The following GPR89B variants were observed in gnomAD, a reference collection of about 807,000 sequenced individuals.
GPR89B encodes G protein-coupled receptor 89B.
GPR89B carries 25 observed loss-of-function variants against 52.4 expected under a neutral mutation model. The ratio of observed to expected loss-of-function variants is 0.48; its 90% CI spans 0.35 to 0.67. The LOEUF is 0.67. Among genes scored for constraint, GPR89B ranks in the 30% least tolerant of loss-of-function variants. The pLI is 0.01. For missense variants in GPR89B, 146 were observed against 450.2 expected, an observed-to-expected ratio of 0.32 and a Z score of 6.11; for synonymous variants, 52 against 151.2, an observed-to-expected ratio of 0.34 and a Z score of 4.81.
At chr1:147,950,736 G>C (rs1253355662) in intron 5 of GPR89B, among the ~76,000 whole-genome samples, 1 of 149,884 alleles carries the variant, frequency 6.7e-6, no homozygotes, top group African/African-American at 2.5e-5. Context: ...CTGGAGACCA[G>C]CCCGGCCAAC....
the GPR89B span, among the ~76,000 whole-genome samples, chr1:148,019,390 G>A: frequency 6.6e-6 from 1 of 151,492 alleles, no homozygotes; most frequent in Non-Finnish European, 1.5e-5. Flanking sequence ...ATGGGGTTAG[G>A]GGGCAAGGAC....
chr1:147,988,606 T>C (rs1658838052), intron 12 of GPR89B, 85 bp downstream of exon 12: 5 of 671,240 alleles, frequency 7.4e-6, no homozygotes, highest in East Asian at 5.7e-5. Flanking sequence ...GGCTCACGCC[T>C]GTAATCCCAA....
chr1:148,018,760 A>G, the GPR89B span, among the ~76,000 whole-genome samples: 1 of 151,688 alleles, frequency 6.6e-6, no homozygotes, highest in Non-Finnish European at 1.5e-5. Context: ...TCCGCCTCCC[A>G]GGTTCAAGCA....
At chr1:147,929,269 T>C (rs1446156188) in intron 1 of GPR89B, among the ~76,000 whole-genome samples, 1 of 150,744 alleles carries the variant, frequency 6.6e-6, no homozygotes, top group Non-Finnish European at 1.5e-5. Context: ...CGTAAAAACA[T>C]GTAAGACACT....
chr1:147,935,598 T>C lies in GPR89B; in HGVS notation c.43-1029T>C, dbSNP rs145601592. Among the ~76,000 whole-genome samples the C allele has an allele frequency of 1.5e-4, 23 of 152,292 alleles. No homozygotes were observed. In the East Asian group the frequency reaches 4.4e-3, roughly 29 times the overall value. ...TACACTGAGATGAAAACCACTTTTA[T>C]GTAGATTAGGCAGGATGGTGGAGAA... On this transcript the variant is annotated intron_variant, in intron 1 of 13. Transcript: ENST00000314163.
Position 147,989,580 on chromosome 1 carries a change from C to G in GPR89B, c.1095+1059C>G, listed in dbSNP as rs1202375818. On this transcript the variant is annotated intron_variant, in intron 12 of 13. Transcript: ENST00000314163. Reference sequence around the variant, plus strand: ...ATATCTCCTAATGCTGTCCCTCCCCCCTTCCCCCACCCCACGACAAGCCTC... The same window carrying G: ...ATATCTCCTAATGCTGTCCCTCCCCGCTTCCCCCACCCCACGACAAGCCTC... Among the ~76,000 whole-genome samples, 23 of 152,194 alleles carry G rather than the reference C, an allele frequency of 1.5e-4. No individual in the cohort carries two copies. In the East Asian group the frequency reaches 1.5e-3, roughly 10 times the overall value.
the GPR89B span, among the ~76,000 whole-genome samples, chr1:148,025,571 A>G: frequency 2.1e-5 from 3 of 143,386 alleles, no homozygotes; most frequent in East Asian, 4.1e-4. Flanking sequence ...GCTCGTCCCT[A>G]TTGCTTGGTG....
intron 7 of GPR89B, among the ~76,000 whole-genome samples, chr1:147,958,082 GAA>G (rs1232876255): frequency 1.3e-5 from 2 of 151,612 alleles, no homozygotes; most frequent in African/African-American, 4.9e-5. Context: ...AAAAAAAAAA[GAA>G]TGATAAAGAA....
rs180920422 is a variant in GPR89B at position 147,930,789 on chromosome 1, C to G, written c.42+2211C>G. 5.2e-3 allele frequency among the ~76,000 whole-genome samples: 798 copies of G among 152,240 alleles called. 11 individuals carry two copies. The highest frequency in any genetic ancestry group is 0.019 in the African/African-American group (775 of 41,544). On this transcript the variant is annotated intron_variant, in intron 1 of 13. Transcript: ENST00000314163. ...GGGACCCTGGCTCTTCTCTCTTCAG[C>G]TGTGGCTCCAATTTATTCTTTAGAC...
the GPR89B span, among the ~76,000 whole-genome samples, chr1:147,999,214 A>G: frequency 6.6e-6 from 1 of 151,680 alleles, no homozygotes; most frequent in South Asian, 2.1e-4. Context: ...CACCAACTGC[A>G]AAATGACTCA....
the GPR89B span, among the ~76,000 whole-genome samples, chr1:148,016,644 C>G: frequency 6.6e-6 from 1 of 151,918 alleles, no homozygotes; most frequent in African/African-American, 2.4e-5. Flanking sequence ...GGAACAGTGG[C>G]TCACACCTTC....
chr1:147,943,914 T>A, intron 4 of GPR89B, 83 bp from the exon 5 acceptor site: 4 of 755,462 alleles, frequency 5.3e-6, no homozygotes, highest in Non-Finnish European at 8.6e-6. Flanking sequence ...AAATATTAGT[T>A]AGCATTATCT....
intron 5 of GPR89B, among the ~76,000 whole-genome samples, chr1:147,952,929 T>C (rs1655833173): frequency 6.7e-6 from 1 of 149,132 alleles, no homozygotes; most frequent in African/African-American, 2.5e-5. Context: ...GAAATACATA[T>C]ATATCAAAGA....
downstream of GPR89B, among the ~76,000 whole-genome samples, chr1:147,996,074 T>C (rs1659309970): frequency 1.3e-5 from 2 of 152,252 alleles, no homozygotes; most frequent in African/African-American, 4.8e-5. Flanking sequence ...ACTTCCATAT[T>C]CACATGATTA....
chr1:147,941,385 T>G (rs1553248885), intron 3 of GPR89B, among the ~76,000 whole-genome samples: 1 of 152,224 alleles, frequency 6.6e-6, no homozygotes, highest in Non-Finnish European at 1.5e-5. Context: ...GATGTCCAGC[T>G]TGTTTCTTTC....
chr1:148,024,895 C>G, the GPR89B span, among the ~76,000 whole-genome samples: 32 of 152,136 alleles, frequency 2.1e-4, no homozygotes, highest in Non-Finnish European at 2.9e-4. Flanking sequence ...ATGCTATTTT[C>G]TCACCTCTGT....
At chr1:148,014,870 G>T in the GPR89B span, 1 of 151,186 alleles carries the variant, frequency 6.6e-6, no homozygotes, top group South Asian at 2.1e-4. Flanking sequence ...AGGACGGGGG[G>T]AAGGCCATTC....
chr1:147,982,004 T>C (rs1658290290), intron 10 of GPR89B, among the ~76,000 whole-genome samples: 1 of 151,836 alleles, frequency 6.6e-6, no homozygotes, highest in Non-Finnish European at 1.5e-5. Flanking sequence ...TATGTGTATA[T>C]CTAGGGGTAG....
chr1:147,931,014 TTCCCCTGTAACA>T (rs2149030623), intron 1 of GPR89B, among the ~76,000 whole-genome samples: 1 of 152,188 alleles, frequency 6.6e-6, no homozygotes, highest in South Asian at 2.1e-4. Context: ...CTTCACCTAC[TTCCCCTGTAACA>T]ACACTACCAC....
Sources: allele counts gnomAD v4.1 joint callset (sites outside exome capture counted in the v4.1 genomes callset), GRCh38; gene constraint gnomAD v4.1.1; transcripts MANE v1.5; gene names NCBI Gene and HGNC (gene_info 2026-07-23, HGNC 2026-07-21).